CNBD1: variants seen among roughly 807,000 people sequenced by gnomAD.
CNBD1 encodes cyclic nucleotide-binding domain-containing protein 1.
A neutral mutation model predicts 54.4 loss-of-function variants in CNBD1; 71 were observed. The ratio of observed to expected loss-of-function variants is 1.30; its 90% CI spans 1.08 to 1.59. The LOEUF is 1.59. CNBD1 is among the 40% of genes most tolerant of loss of function. CNBD1 has a pLI of 0.00. For missense variants in CNBD1, 659 were observed against 518.0 expected (o/e 1.27, Z -2.64); for synonymous variants, 182 against 170.7 (o/e 1.07, Z -0.51).
intron 4 of CNBD1, among the ~76,000 whole-genome samples, chr8:87,203,364 T>C (rs550261243): frequency 1.3e-5 from 2 of 152,310 alleles, no homozygotes; most frequent in East Asian, 3.9e-4. Flanking sequence ...AAACAAATGA[T>C]TTTTGTACCT....
intron 4 of CNBD1, among the ~76,000 whole-genome samples, chr8:87,066,876 C>T (rs1159659421): frequency 1.3e-5 from 2 of 151,834 alleles, no homozygotes; most frequent in Non-Finnish European, 2.9e-5. Context: ...ATAATTATTA[C>T]AATCACCGAT....
intron 6 of CNBD1, among the ~76,000 whole-genome samples, chr8:87,266,653 T>C (rs1182747212): frequency 1.3e-5 from 2 of 151,654 alleles, no homozygotes; most frequent in East Asian, 1.9e-4. Flanking sequence ...TTTCTCTCCA[T>C]GTTGGTCAGG....
chr8:87,098,953 T>A (rs1407469068), intron 4 of CNBD1, among the ~76,000 whole-genome samples: 1 of 148,106 alleles, frequency 6.8e-6, no homozygotes, highest in African/African-American at 2.5e-5. Flanking sequence ...AGGAGAATAG[T>A]TTGAATCTGG....
chr8:87,387,963 G>T (rs141672156), intron 2 of CNBD1, among the ~76,000 whole-genome samples: 476 of 151,990 alleles, frequency 3.1e-3, no homozygotes, highest in African/African-American at 0.011. Context: ...ACTCAAAACC[G>T]CTCAACTACA....
At chr8:87,093,048 T>G (rs1251375414) in intron 4 of CNBD1, among the ~76,000 whole-genome samples, 1 of 152,210 alleles carries the variant, frequency 6.6e-6, no homozygotes, top group Non-Finnish European at 1.5e-5. Context: ...ACTAAGGATT[T>G]TTAATGTATG....
intron 4 of CNBD1, among the ~76,000 whole-genome samples, chr8:87,057,562 A>G (rs762880490): frequency 3.3e-5 from 5 of 152,108 alleles, no homozygotes; most frequent in Non-Finnish European, 7.4e-5. Context: ...TCAAAACACA[A>G]TCATGGTTGG....
chr8:87,000,237 C>T (rs1808964693), intron 4 of CNBD1, among the ~76,000 whole-genome samples: 1 of 151,978 alleles, frequency 6.6e-6, no homozygotes, highest in African/African-American at 2.4e-5. Context: ...CTTAGGAGAT[C>T]TGATGGTTTT....
chr8:87,252,960 G>A (rs540303565), intron 6 of CNBD1, among the ~76,000 whole-genome samples: 32 of 152,178 alleles, frequency 2.1e-4, no homozygotes, highest in Non-Finnish European at 3.4e-4. Flanking sequence ...AAAGAATCAC[G>A]TTTTAAACAA....
At chr8:87,099,174 G>A (rs1005790632) in intron 4 of CNBD1, among the ~76,000 whole-genome samples, 3 of 151,516 alleles carry the variant, frequency 2.0e-5, no homozygotes, top group African/African-American at 7.3e-5. Context: ...TGTAGAAAAT[G>A]TTGTTGTTGT....
At chr8:87,220,499 GTTT>G (rs111608836) in intron 5 of CNBD1, among the ~76,000 whole-genome samples, 15 of 126,646 alleles carry the variant, frequency 1.2e-4, no homozygotes, top group African/African-American at 2.8e-4. Context: ...AACTGTCCAA[GTTT>G]TTTTTTTTTT....
chr8:87,258,143 G>C (rs961187565), intron 6 of CNBD1, among the ~76,000 whole-genome samples: 1 of 152,122 alleles, frequency 6.6e-6, no homozygotes, highest in Non-Finnish European at 1.5e-5. Context: ...CCCAAAGTTA[G>C]AGATCAGAAA....
intron 4 of CNBD1, among the ~76,000 whole-genome samples, chr8:87,017,700 A>T (rs1186514044): frequency 6.6e-6 from 1 of 152,158 alleles, no homozygotes; most frequent in Non-Finnish European, 1.5e-5. Context: ...TCTCGTTTCA[A>T]AAGCTGCTGC....
intron 6 of CNBD1, among the ~76,000 whole-genome samples, chr8:87,254,709 C>G (rs571337891): frequency 6.6e-6 from 1 of 152,294 alleles, no homozygotes; most frequent in South Asian, 2.1e-4. Context: ...ATCACCTGTT[C>G]AAGCAATATG....
At chr8:87,013,400 T>A (rs1296057738) in intron 4 of CNBD1, among the ~76,000 whole-genome samples, 2 of 152,024 alleles carry the variant, frequency 1.3e-5, no homozygotes, top group Non-Finnish European at 2.9e-5. Flanking sequence ...TCAAAAGAGG[T>A]TTATGGCACC....
downstream of CNBD1, among the ~76,000 whole-genome samples, chr8:87,387,525 G>A (rs1811214850): frequency 6.6e-6 from 1 of 152,110 alleles, no homozygotes; most frequent in Non-Finnish European, 1.5e-5. Context: ...TTACATAATG[G>A]TAAAGGGATC....
At chr8:87,251,920 T>TC (rs1807927093) in intron 6 of CNBD1, among the ~76,000 whole-genome samples, 2 of 152,212 alleles carry the variant, frequency 1.3e-5, no homozygotes, top group Middle Eastern at 3.4e-3. Context: ...ATTTTTTTTT[T>TC]CTGAGATGAT....
chr8:87,411,034 T>A (rs540390128), intron 2 of CNBD1, among the ~76,000 whole-genome samples: 3 of 152,076 alleles, frequency 2.0e-5, no homozygotes, highest in Non-Finnish European at 4.4e-5. Flanking sequence ...TAAACATAAC[T>A]TTTATATGCT....
At chr8:87,017,009 G>T (rs1340720075) in intron 4 of CNBD1, among the ~76,000 whole-genome samples, 3 of 152,082 alleles carry the variant, frequency 2.0e-5, no homozygotes, top group Admixed American at 1.3e-4. Flanking sequence ...CCTTTTACAT[G>T]GGTACCCCTC....
At chr8:86,891,790 TG>T (rs1444812965) in intron 2 of CNBD1, among the ~76,000 whole-genome samples, 1 of 152,080 alleles carries the variant, frequency 6.6e-6, no homozygotes, top group Non-Finnish European at 1.5e-5. Flanking sequence ...TAAACTTTTT[TG>T]GTTAAATTCA....
Sources: gnomAD v4.1 joint callset for allele counts (sites outside exome capture counted in the v4.1 genomes callset) on GRCh38, gnomAD v4.1.1 for gene constraint, MANE v1.5 for transcripts, NCBI Gene and HGNC (gene_info 2026-07-23, HGNC 2026-07-21) for gene names.